SLC35A3: variants seen among roughly 807,000 people sequenced by gnomAD.
SLC35A3 encodes solute carrier family 35 member A3.
SLC35A3 carries 26 observed loss-of-function variants against 39.0 expected under a neutral mutation model. That is an observed-to-expected ratio of 0.67 (90% CI 0.49 to 0.92). The LOEUF is 0.92. Among genes scored for constraint, SLC35A3 ranks in the 40% least tolerant of loss-of-function variants. The pLI, the probability that SLC35A3 is intolerant of heterozygous loss-of-function variation, is 0.00. For synonymous variants in SLC35A3, 135 were observed against 133.1 expected, an observed-to-expected ratio of 1.01 and a Z score of -0.10; for missense variants, 299 against 371.6, an observed-to-expected ratio of 0.80 and a Z score of 1.61.
In SLC35A3 at chr1:100,026,805, T is replaced by C. The variant is rs1660936336; in HGVS notation, c.*4329T>C. 6.0e-6 allele frequency: 1 copy of C among 166,516 alleles called. No individual in the cohort carries two copies. Among genetic ancestry groups the C allele is most frequent in the African/African-American group, 2.4e-5 (1 of 42,080 alleles). 10.3% of individuals were successfully genotyped at this position (166,516 alleles called of 1,614,324 possible). On this transcript the variant is annotated 3_prime_UTR_variant, in exon 8 of 8. Transcript: ENST00000533028. ...AGAAAGATTCTTTTGGGTTTGATAATGTAATTTGTATATTTAAATTTTTTA... is the reference window on the plus strand; with the variant it reads ...AGAAAGATTCTTTTGGGTTTGATAACGTAATTTGTATATTTAAATTTTTTA...
intron 3 of SLC35A3, chr1:100,000,546 C>T (rs1215094833): frequency 6.6e-6 from 1 of 151,980 alleles, no homozygotes; most frequent in Admixed American, 6.6e-5. Flanking sequence ...CTTTGCTTTG[C>T]AGAAGCTTTT....
intron 4 of SLC35A3, chr1:100,008,522 G>A (rs907133536): frequency 6.6e-6 from 1 of 152,190 alleles, no homozygotes; most frequent in Non-Finnish European, 1.5e-5. Context: ...CTTCTGAAAT[G>A]TACCTACAGT....
chr1:99,978,377 T>A (rs1245236815), intron 1 of SLC35A3, among the ~76,000 whole-genome samples: 1 of 151,806 alleles, frequency 6.6e-6, no homozygotes, highest in Admixed American at 6.6e-5. Context: ...ATTTAAAAAA[T>A]TTAGCTAGGT....
chr1:100,017,694 C>A lies in SLC35A3; in HGVS notation c.766C>A (p.Leu256Ile). 2 of 1,545,876 alleles carry A rather than the reference C, an allele frequency of 1.3e-6. No homozygotes were observed. The highest frequency in any genetic ancestry group is 2.4e-5 in the East Asian group (1 of 42,000). The change falls in exon 7 of 8, where the codon CTT becomes ATT. Residue 256 changes from leucine (L) to isoleucine (I), a missense_variant. Transcript: ENST00000533028. ...TTTAAAACTTCAGGCACTTGGAGGCCTTGTAATAGCTGCTGTTATTAAGTA... is the reference window on the plus strand; with the variant it reads ...TTTAAAACTTCAGGCACTTGGAGGCATTGTAATAGCTGCTGTTATTAAGTA... ...IVVVLQALGGLVIAAVIKYAD... is the reference protein window; with the variant it reads ...IVVVLQALGGIVIAAVIKYAD...
Position 100,015,328 on chromosome 1 carries a change from A to G in SLC35A3, c.661A>G (p.Met221Val), listed in dbSNP as rs775798852. ...TTTCTTTGGAAGTATATTTGGATTAATGGGTGTATACATTTATGATGGAGA... is the reference window on the plus strand; with the variant it reads ...TTTCTTTGGAAGTATATTTGGATTAGTGGGTGTATACATTTATGATGGAGA... ...LGFFGSIFGL[M>V]GVYIYDGELV... The change falls in exon 6 of 8, where the codon ATG becomes GTG. Residue 221 changes from methionine (M) to valine (V), a missense_variant. Transcript: ENST00000533028. 6.2e-7 allele frequency: 1 copy of G among 1,609,536 alleles called. No individual in the cohort carries two copies. The highest frequency in any genetic ancestry group is 1.7e-5 in the Admixed American group (1 of 59,298).
chr1:99,971,426 C>G (rs1445630434), intron 1 of SLC35A3, among the ~76,000 whole-genome samples: 1 of 152,016 alleles, frequency 6.6e-6, no homozygotes, highest in Non-Finnish European at 1.5e-5. Context: ...CCTGCCTCAG[C>G]CTCCTGAGTA....
At chr1:99,997,958 G>A (rs1658520248) in intron 2 of SLC35A3, among the ~76,000 whole-genome samples, 1 of 151,946 alleles carries the variant, frequency 6.6e-6, no homozygotes, top group South Asian at 2.1e-4. Context: ...AAATCCTCTG[G>A]CTCCAGCTTT....
At chr1:99,976,659 A>G (rs1657120663) in intron 1 of SLC35A3, among the ~76,000 whole-genome samples, 1 of 152,236 alleles carries the variant, frequency 6.6e-6, no homozygotes, top group Non-Finnish European at 1.5e-5. Context: ...CTTTGCAGCA[A>G]CATGGATGGA....
chr1:100,011,801 C>G (rs2101375794), intron 5 of SLC35A3, among the ~76,000 whole-genome samples: 1 of 151,650 alleles, frequency 6.6e-6, no homozygotes, highest in Admixed American at 6.6e-5. Flanking sequence ...TCACTGCAAG[C>G]TCCGCCTCCC....
intron 1 of SLC35A3, among the ~76,000 whole-genome samples, chr1:99,979,933 A>T (rs920180293): frequency 5.3e-5 from 8 of 151,652 alleles, no homozygotes; most frequent in Non-Finnish European, 1.0e-4. Flanking sequence ...AATCCCAGCT[A>T]CTCGGGACAC....
chr1:100,007,186 A>T (rs377356975), intron 4 of SLC35A3, 30 bp downstream of exon 4: 2 of 1,550,316 alleles, frequency 1.3e-6, no homozygotes, highest in Non-Finnish European at 1.8e-6. Flanking sequence ...ATATATTTTT[A>T]TCTTTATTGT....
intron 1 of SLC35A3, among the ~76,000 whole-genome samples, chr1:99,975,740 C>T (rs1657071130): frequency 6.6e-6 from 1 of 152,114 alleles, no homozygotes; most frequent in African/African-American, 2.4e-5. Flanking sequence ...GGACTCTATC[C>T]TCTATTTTGT....
rs1661187814 is a variant in SLC35A3, at chr1:100,031,171, A to G, written c.*8695A>G. The G allele has an allele frequency of 6.6e-6, 1 of 152,206 alleles. No homozygotes were observed. Among genetic ancestry groups the G allele is most frequent in the Non-Finnish European group, 1.5e-5 (1 of 68,040 alleles). 9.4% of individuals were successfully genotyped at this position (152,206 alleles called of 1,614,324 possible). The stretch of plus-strand genomic sequence containing the variant: ...ACAGATTGTGCCAATTTAGCTTTAA[A>G]AAACTCATGGGCTACCTCCATGAAC... On this transcript the variant is annotated 3_prime_UTR_variant, in exon 8 of 8. Coordinates refer to ENST00000533028, the MANE Select transcript of SLC35A3 (RefSeq NM_012243.3).
rs1272446694 is a variant in SLC35A3 at position 100,024,300 on chromosome 1, C to G, written c.*1824C>G. The G allele has an allele frequency of 6.6e-6, 1 of 152,090 alleles. No homozygotes were observed. Among genetic ancestry groups the G allele is most frequent in the Non-Finnish European group, 1.5e-5 (1 of 68,104 alleles). The allele number at this position is 152,090 out of a possible 1,614,324, so 9.4% of individuals were successfully genotyped here. A position where few individuals can be genotyped will look rare whatever the true frequency, so the allele number is the denominator to read the frequency against. On this transcript the variant is annotated 3_prime_UTR_variant, in exon 8 of 8. Transcript: ENST00000533028. ...GGGCACAGTGGCTCATGCCTGTAATCCCAGCACTTTGGGAGGCCGAGGCGG... is the reference window on the plus strand; with the variant it reads ...GGGCACAGTGGCTCATGCCTGTAATGCCAGCACTTTGGGAGGCCGAGGCGG...
At chr1:100,008,670 C>T (rs1659409135) in intron 4 of SLC35A3, 1 of 152,228 alleles carries the variant, frequency 6.6e-6, no homozygotes, top group Non-Finnish European at 1.5e-5. Context: ...CTTTCTTTGC[C>T]TGGCTAACTC....
chr1:99,989,077 A>AT (rs1557827052), intron 1 of SLC35A3, among the ~76,000 whole-genome samples: 4 of 152,054 alleles, frequency 2.6e-5, no homozygotes, highest in African/African-American at 9.7e-5. Flanking sequence ...TGGTCGTACC[A>AT]TTTTACATTT....
In SLC35A3 at chr1:100,023,235, C is replaced by T. The variant is rs1322997710; in HGVS notation, c.*759C>T. On this transcript the variant is annotated 3_prime_UTR_variant, in exon 8 of 8. Transcript: ENST00000533028. ...AGGTTAGCCCTTAATCTCTTCATTG[C>T]ATTTCATTTCTGTAAATCAGATTAA... The T allele has an allele frequency of 1.3e-5, 2 of 152,098 alleles. No individual in the cohort carries two copies. The highest frequency in any genetic ancestry group is 4.8e-5 in the African/African-American group (2 of 41,434). The allele number at this position is 152,098 out of a possible 1,614,324, so 9.4% of individuals were successfully genotyped here. A position where few individuals can be genotyped will look rare whatever the true frequency, so the allele number is the denominator to read the frequency against.
intron 3 of SLC35A3, 64 bp from the exon 4 acceptor site, chr1:100,006,967 ATAG>A (rs1659277088): frequency 2.0e-6 from 3 of 1,490,742 alleles, no homozygotes; most frequent in Non-Finnish European, 2.7e-6. Context: ...TACATTTCTA[ATAG>A]TACTCTTAAG....
chr1:99,994,763 A>G (rs1658283334), intron 2 of SLC35A3, among the ~76,000 whole-genome samples: 1 of 152,208 alleles, frequency 6.6e-6, no homozygotes, highest in African/African-American at 2.4e-5. Flanking sequence ...GTAATGCTTC[A>G]GTAGATGTAC....
Sources: gnomAD v4.1 joint callset for allele counts (sites outside exome capture counted in the v4.1 genomes callset) on GRCh38, gnomAD v4.1.1 for gene constraint, MANE v1.5 for transcripts, NCBI Gene and HGNC (gene_info 2026-07-23, HGNC 2026-07-21) for gene names.